MAF: variants seen among roughly 807,000 people sequenced by gnomAD.
The protein encoded by MAF is transcription factor Maf.
MAF carries 10 observed loss-of-function variants against 22.0 expected under a neutral mutation model. That is an observed-to-expected ratio of 0.45 (90% CI 0.28 to 0.77). The LOEUF is 0.77. MAF is among the 30% of genes least tolerant of loss of function. The probability of loss-of-function intolerance (pLI) is 0.12; values close to 1 mark genes in which losing one functional copy is unlikely to be tolerated. For missense variants in MAF, 544 were observed against 548.4 expected (o/e 0.99, Z 0.08); for synonymous variants, 337 against 255.8 (o/e 1.32, Z -3.03).
At chr16:79,251,008 A>T in the MAF span, among the ~76,000 whole-genome samples, 1 of 152,192 alleles carries the variant, frequency 6.6e-6, no homozygotes, top group African/African-American at 2.4e-5. Context: ...AGTGCTTAGC[A>T]CCTGCTACAT....
chr16:79,303,917 A>G, the MAF span, among the ~76,000 whole-genome samples: 1 of 152,220 alleles, frequency 6.6e-6, no homozygotes, highest in African/African-American at 2.4e-5. Flanking sequence ...GGAGAAAAAA[A>G]AGAGAGAGGT....
the MAF span, among the ~76,000 whole-genome samples, chr16:79,328,957 T>C: frequency 6.6e-6 from 1 of 152,196 alleles, no homozygotes; most frequent in African/African-American, 2.4e-5. Context: ...GCATCTGTCA[T>C]TGTGTCTGTC....
chr16:79,408,759 T>G, the MAF span, among the ~76,000 whole-genome samples: 34 of 151,824 alleles, frequency 2.2e-4, no homozygotes, highest in Non-Finnish European at 4.1e-4. Flanking sequence ...AAACACCTAC[T>G]GTATTCCAGA....
At chr16:79,498,137 C>T in the MAF span, among the ~76,000 whole-genome samples, 1 of 152,180 alleles carries the variant, frequency 6.6e-6, no homozygotes, top group Non-Finnish European at 1.5e-5. Flanking sequence ...TGTGGTCAGG[C>T]AGAGAGGAAG....
At chr16:79,349,795 C>A in the MAF span, among the ~76,000 whole-genome samples, 1 of 152,216 alleles carries the variant, frequency 6.6e-6, no homozygotes, top group African/African-American at 2.4e-5. Flanking sequence ...GATTGAAAAC[C>A]TAACTGCTTG....
the MAF span, among the ~76,000 whole-genome samples, chr16:79,273,701 C>A: frequency 3.5e-3 from 528 of 152,210 alleles, 1 homozygote; most frequent in Non-Finnish European, 5.8e-3. Flanking sequence ...CTCCCTCCCA[C>A]TGTAAAGAAC....
At chr16:79,437,881 T>C in the MAF span, among the ~76,000 whole-genome samples, 1 of 151,974 alleles carries the variant, frequency 6.6e-6, no homozygotes. Context: ...GCATTCCCCT[T>C]TCACCTAGAG....
chr16:79,599,540 G>A lies in MAF; in HGVS notation c.363C>T (p.Ser121=), dbSNP rs1597848781. The A allele has an allele frequency of 1.3e-6, 2 of 1,565,152 alleles. No homozygotes were observed. The part of the protein sequence containing the change: ...EDAVEALISN[S]HQLQGGFDGY... ...CATCGAAGCCGCCCTGGAGCTGGTG[G>A]CTGTTGCTGATGAGCGCCTCGACCG... Residue 121 remains serine (S), a synonymous_variant, in exon 1 of 2, where the codon AGC becomes AGT. Transcript: ENST00000326043.
At chr16:79,409,645 A>G in the MAF span, among the ~76,000 whole-genome samples, 2 of 152,208 alleles carry the variant, frequency 1.3e-5, no homozygotes, top group Non-Finnish European at 1.5e-5. Flanking sequence ...ATCCCTCTGT[A>G]GCTCCTGGCA....
chr16:79,547,997 G>T, the MAF span, among the ~76,000 whole-genome samples: 177 of 151,972 alleles, frequency 1.2e-3, 2 homozygotes, highest in East Asian at 0.027. Flanking sequence ...TAATACATGG[G>T]CTCAGCAAAG....
chr16:79,426,842 C>G, the MAF span, among the ~76,000 whole-genome samples: 368 of 152,296 alleles, frequency 2.4e-3, 1 homozygote, highest in African/African-American at 8.4e-3. Context: ...GTGCTGGGGC[C>G]AACACATAGG....
chr16:79,242,320 G>C, the MAF span, among the ~76,000 whole-genome samples: 1 of 149,614 alleles, frequency 6.7e-6, no homozygotes, highest in South Asian at 2.1e-4. Flanking sequence ...ACACACATAC[G>C]CTCAAAATAA....
At chr16:79,283,907 A>C in the MAF span, among the ~76,000 whole-genome samples, 3 of 146,820 alleles carry the variant, frequency 2.0e-5, no homozygotes, top group Non-Finnish European at 3.0e-5. Context: ...TGGGGAGCTA[A>C]TCTGCTTCAC....
the MAF span, among the ~76,000 whole-genome samples, chr16:79,434,197 G>C: frequency 6.6e-6 from 1 of 152,274 alleles, no homozygotes; most frequent in African/African-American, 2.4e-5. Flanking sequence ...GAAATGCCAG[G>C]GCCAGAAGAC....
At chr16:79,316,935 G>A in the MAF span, among the ~76,000 whole-genome samples, 25 of 152,286 alleles carry the variant, frequency 1.6e-4, no homozygotes, top group Middle Eastern at 3.4e-3. Flanking sequence ...AAAGCACCTC[G>A]TGAATTCACC....
At chr16:79,407,541 G>T in the MAF span, among the ~76,000 whole-genome samples, 2 of 152,056 alleles carry the variant, frequency 1.3e-5, no homozygotes, top group Non-Finnish European at 1.5e-5. Context: ...CTGCAATTGG[G>T]ATTTAGCTGA....
the MAF span, among the ~76,000 whole-genome samples, chr16:79,400,803 A>C: frequency 0.91 from 139,141 of 152,308 alleles, 63,932 homozygotes; most frequent in East Asian, 0.96. Flanking sequence ...TTGTGAAACT[A>C]CAGCAGTCGA....
the MAF span, among the ~76,000 whole-genome samples, chr16:79,289,867 T>TC: frequency 2.6e-3 from 312 of 118,532 alleles, 17 homozygotes; most frequent in African/African-American, 9.5e-3. Context: ...TTTTTTTTTT[T>TC]TGTGAGACGG....
the MAF span, among the ~76,000 whole-genome samples, chr16:79,362,349 A>G: frequency 6.6e-6 from 1 of 152,202 alleles, no homozygotes; most frequent in East Asian, 1.9e-4. Flanking sequence ...TCGCTGACAC[A>G]CACAGATGCC....
Sources: gnomAD v4.1 joint callset for allele counts (sites outside exome capture counted in the v4.1 genomes callset) on GRCh38, gnomAD v4.1.1 for gene constraint, MANE v1.5 for transcripts, NCBI Gene and HGNC (gene_info 2026-07-23, HGNC 2026-07-21) for gene names.